The following JADE3 variants were observed in gnomAD, a reference collection of about 807,000 sequenced individuals.
JADE3 encodes the protein jade family PHD finger 3.
JADE3 carries 2 observed loss-of-function variants against 50.1 expected under a neutral mutation model. The ratio of observed to expected loss-of-function variants is 0.04; its 90% confidence interval spans 0.02 to 0.13. The LOEUF is 0.13. Ranked by LOEUF, JADE3 falls within the 10% of genes least tolerant of loss-of-function variation. The pLI is 1.00. For missense variants in JADE3, 475 were observed against 634.4 expected (o/e 0.75, Z 2.70); for synonymous variants, 218 against 232.9 (o/e 0.94, Z 0.58).
intron 3 of JADE3, among the ~76,000 whole-genome samples, chrX:46,993,817 G>A (rs570967358): frequency 3.1e-4 from 35 of 112,192 alleles, no homozygotes; most frequent in Middle Eastern, 4.6e-3. Context: ...AGGGTTTTAG[G>A]CACAGTGTTC....
chrX:46,958,573 A>G (rs1927185737), intron 1 of JADE3, among the ~76,000 whole-genome samples: 1 of 111,315 alleles, frequency 9.0e-6, no homozygotes, highest in Non-Finnish European at 1.9e-5. Context: ...TACTGTACCT[A>G]TAAACAATTT....
intron 1 of JADE3, among the ~76,000 whole-genome samples, chrX:46,936,784 T>A (rs1926634227): frequency 8.9e-6 from 1 of 111,930 alleles, no homozygotes. Context: ...TTTTAATATC[T>A]GCAGGACCTG....
intron 3 of JADE3, 31 bp from the exon 4 acceptor site, chrX:46,998,089 T>TAC (rs1556357881): frequency 8.6e-7 from 1 of 1,163,882 alleles, no homozygotes; most frequent in Non-Finnish European, 1.2e-6. Context: ...ATAGTGATGG[T>TAC]CTTCTCAAGA....
At chrX:46,956,316 C>T (rs1556346294) in intron 1 of JADE3, among the ~76,000 whole-genome samples, 4 of 111,899 alleles carry the variant, frequency 3.6e-5, no homozygotes, top group Admixed American at 9.4e-5. Flanking sequence ...CCACCTGCCT[C>T]GGCCTCCCAA....
intron 3 of JADE3, among the ~76,000 whole-genome samples, chrX:46,990,747 G>A (rs1384586794): frequency 9.0e-6 from 1 of 110,928 alleles, no homozygotes; most frequent in African/African-American, 3.3e-5. Flanking sequence ...GTATAATTCA[G>A]TGGGTTTTAG....
At chrX:46,920,847 G>T (rs1234368684) in intron 1 of JADE3, among the ~76,000 whole-genome samples, 1 of 112,260 alleles carries the variant, frequency 8.9e-6, no homozygotes, top group Non-Finnish European at 1.9e-5. Context: ...TTAACACACA[G>T]TCTTGATTAT....
chrX:46,990,702 T>C (rs782651274), intron 3 of JADE3, among the ~76,000 whole-genome samples: 2 of 111,735 alleles, frequency 1.8e-5, no homozygotes, highest in Admixed American at 1.9e-4. Context: ...TCTTGAAATA[T>C]AATTCTTGTA....
intron 3 of JADE3, among the ~76,000 whole-genome samples, chrX:46,991,652 G>C (rs1556356014): frequency 9.0e-6 from 1 of 111,698 alleles, no homozygotes; most frequent in African/African-American, 3.3e-5. Context: ...GTTTTCCAAA[G>C]GGGCTCATCA....
intron 1 of JADE3, among the ~76,000 whole-genome samples, chrX:46,953,206 C>A: frequency 1.1e-5 from 1 of 92,139 alleles, no homozygotes; most frequent in South Asian, 7.4e-4. Context: ...GATTCCCCCC[C>A]CACCGCCCCC....
At chrX:47,016,543 A>T (rs1224133522) in intron 4 of JADE3, among the ~76,000 whole-genome samples, 1 of 111,923 alleles carries the variant, frequency 8.9e-6, no homozygotes, top group East Asian at 2.8e-4. Flanking sequence ...ACACAGTATT[A>T]CTTGCACTAT....
chrX:46,967,625 C>G (rs1346132187), intron 1 of JADE3, among the ~76,000 whole-genome samples: 1 of 111,418 alleles, frequency 9.0e-6, no homozygotes, highest in Non-Finnish European at 1.9e-5. Flanking sequence ...TCTCAAATGA[C>G]TCAGGTACTG....
chrX:47,046,044 GA>G (rs1929363135), intron 8 of JADE3, among the ~76,000 whole-genome samples: 1 of 110,150 alleles, frequency 9.1e-6, no homozygotes, highest in East Asian at 2.8e-4. Flanking sequence ...GATCAGAGCA[GA>G]AATAAGTGAA....
intron 8 of JADE3, among the ~76,000 whole-genome samples, chrX:47,049,034 A>G (rs1038463253): frequency 3.6e-5 from 4 of 111,666 alleles, no homozygotes; most frequent in African/African-American, 1.3e-4. Flanking sequence ...TTAAATGGGC[A>G]TAATAAAACC....
chrX:47,003,708 A>G (rs979518922), intron 4 of JADE3, among the ~76,000 whole-genome samples: 5 of 100,663 alleles, frequency 5.0e-5, no homozygotes, highest in Non-Finnish European at 9.8e-5. Context: ...TAATGTATAT[A>G]TAAAAATTAC....
intron 1 of JADE3, among the ~76,000 whole-genome samples, chrX:46,939,709 TACTTTTTATCAGGA>T (rs1926711230): frequency 8.9e-6 from 1 of 112,169 alleles, no homozygotes; most frequent in African/African-American, 3.2e-5. Context: ...TTGAAATATC[TACTTTTTATCAGGA>T]AAAGTCTAAA....
In JADE3 at chrX:47,038,993, CTCCCACA is replaced by C; in HGVS notation, c.907_913del (p.Ile303ProfsTer6). The C allele has an allele frequency of 8.3e-7, 1 of 1,203,286 alleles. No individual in the cohort carries two copies. Among genetic ancestry groups the C allele is most frequent in the Non-Finnish European group, 1.1e-6 (1 of 888,396 alleles). On this transcript the variant is annotated frameshift_variant, in exon 8 of 11. Coordinates refer to ENST00000614628, the MANE Select transcript of JADE3 (RefSeq NM_014735.5). LOFTEE classifies it high-confidence loss of function. ...AGAGGATGGAACCGATCACGAAGAT[CTCCCACA>C]TCCCACCCAGTCGGTGGGCCTTAGT...
intron 1 of JADE3, among the ~76,000 whole-genome samples, chrX:46,953,920 C>G (rs1264298938): frequency 3.6e-5 from 4 of 111,141 alleles, no homozygotes; most frequent in African/African-American, 9.8e-5. Context: ...CTTTCTCCTC[C>G]TCCCTCTCCT....
At chrX:47,005,962 G>T (rs782654074) in intron 4 of JADE3, among the ~76,000 whole-genome samples, 1 of 111,510 alleles carries the variant, frequency 9.0e-6, no homozygotes, top group South Asian at 3.8e-4. Flanking sequence ...AGCCAAAATC[G>T]AAGGTTTGCA....
chrX:47,009,200 G>A (rs1928503662), intron 4 of JADE3, among the ~76,000 whole-genome samples: 1 of 110,939 alleles, frequency 9.0e-6, no homozygotes, highest in Non-Finnish European at 1.9e-5. Context: ...GCATGCGCCT[G>A]TAGTGGAGCT....
Sources: allele counts gnomAD v4.1 joint callset (sites outside exome capture counted in the v4.1 genomes callset), GRCh38; gene constraint gnomAD v4.1.1; transcripts MANE v1.5; gene names NCBI Gene and HGNC (gene_info 2026-07-23, HGNC 2026-07-21).